The following PPFIA2 variants were observed in gnomAD, a reference collection of about 807,000 sequenced individuals.
The protein encoded by PPFIA2 is liprin-alpha-2.
PPFIA2 carries 46 observed loss-of-function variants against 175.5 expected under a neutral mutation model. The ratio of observed to expected loss-of-function variants is 0.26; its 90% CI spans 0.21 to 0.34. PPFIA2 has a LOEUF of 0.34. PPFIA2 is among the 10% of genes least tolerant of loss of function. PPFIA2 has a pLI of 1.00. For synonymous variants in PPFIA2, 568 were observed against 511.4 expected (o/e 1.11, Z -1.49); for missense variants, 1,179 against 1,506.1 (o/e 0.78, Z 3.60).
At chr12:81,420,253 A>G (rs992976590) in intron 7 of PPFIA2, among the ~76,000 whole-genome samples, 1 of 152,140 alleles carries the variant, frequency 6.6e-6, no homozygotes, top group Non-Finnish European at 1.5e-5. Flanking sequence ...GCAGACATCA[A>G]TGCATGTCTA....
At chr12:81,654,540 A>G (rs150035014) in intron 4 of PPFIA2, among the ~76,000 whole-genome samples, 29 of 152,230 alleles carry the variant, frequency 1.9e-4, no homozygotes, top group African/African-American at 6.3e-4. Context: ...TAATGAGTAT[A>G]TAGACCTAGC....
At chr12:81,306,508 C>G (rs2049205560) in intron 22 of PPFIA2, among the ~76,000 whole-genome samples, 2 of 143,774 alleles carry the variant, frequency 1.4e-5, no homozygotes, top group South Asian at 4.5e-4. Context: ...TTCTTTCTTA[C>G]TGTTTTTTGT....
chr12:81,642,003 T>C (rs1438629140), intron 4 of PPFIA2, among the ~76,000 whole-genome samples: 1 of 152,158 alleles, frequency 6.6e-6, no homozygotes, highest in Non-Finnish European at 1.5e-5. Flanking sequence ...TCATTGAATA[T>C]TTTATCCTAT....
intron 14 of PPFIA2, among the ~76,000 whole-genome samples, 164 bp downstream of exon 14, chr12:81,366,944 C>G (rs1039534583): frequency 3.3e-5 from 5 of 151,472 alleles, no homozygotes; most frequent in Admixed American, 2.0e-4. Flanking sequence ...GAAGCTCTTC[C>G]TCTCTATGTA....
At chr12:81,341,239 C>A (rs770799927) in intron 19 of PPFIA2, 31 bp from the exon 20 acceptor site, 14 of 1,596,752 alleles carry the variant, frequency 8.8e-6, no homozygotes, top group African/African-American at 2.7e-5. Context: ...TTCAAATAAA[C>A]CCTTTCTAAA....
intron 4 of PPFIA2, among the ~76,000 whole-genome samples, chr12:81,527,734 T>C (rs2153275354): frequency 6.6e-6 from 1 of 152,246 alleles, no homozygotes; most frequent in Middle Eastern, 3.4e-3. Flanking sequence ...AATGTGATGG[T>C]ATTAGGAGGT....
chr12:81,454,973 C>T (rs1010090047), intron 5 of PPFIA2, among the ~76,000 whole-genome samples: 15 of 152,152 alleles, frequency 9.9e-5, no homozygotes, highest in African/African-American at 3.1e-4. Flanking sequence ...TTCAGCATCA[C>T]GAGCAGCTGA....
chr12:81,402,556 T>TA (rs1188664978), intron 8 of PPFIA2, among the ~76,000 whole-genome samples: 1 of 151,964 alleles, frequency 6.6e-6, no homozygotes, highest in African/African-American at 2.4e-5. Flanking sequence ...AAATGTCAGG[T>TA]AAAAAAATGT....
chr12:81,737,399 G>A (rs1277268813), intron 3 of PPFIA2, among the ~76,000 whole-genome samples: 1 of 151,792 alleles, frequency 6.6e-6, no homozygotes, highest in East Asian at 1.9e-4. Context: ...TCTGGATTGA[G>A]GTAATTAAGA....
chr12:81,276,196 T>C (rs533202980), intron 28 of PPFIA2, among the ~76,000 whole-genome samples: 87 of 152,274 alleles, frequency 5.7e-4, no homozygotes, highest in African/African-American at 2.0e-3. Flanking sequence ...ATGCTTTCAC[T>C]TACAAGTGGG....
At chr12:81,617,105 C>T (rs1237831622) in intron 4 of PPFIA2, among the ~76,000 whole-genome samples, 4 of 152,118 alleles carry the variant, frequency 2.6e-5, no homozygotes, top group Non-Finnish European at 5.9e-5. Flanking sequence ...AGGTTTTTAA[C>T]TTACTAGGGC....
In PPFIA2 at chr12:81,483,275, T is replaced by C. The variant is rs370043201; in HGVS notation, c.304-25409A>G. Among the ~76,000 whole-genome samples, 4 of 152,202 alleles carry C rather than the reference T, an allele frequency of 2.6e-5. No homozygotes were observed. The East Asian group carries it at 7.7e-4, about 29-fold the overall frequency. ...TATATGCGTGTTCATAGTAGCATTA[T>C]TCATAATAGCCAATAAATGAAAACA... On this transcript the variant is annotated intron_variant, in intron 4 of 32. Transcript: ENST00000549396.
intron 4 of PPFIA2, among the ~76,000 whole-genome samples, chr12:81,617,552 C>A (rs562125566): frequency 7.9e-5 from 12 of 152,156 alleles, no homozygotes; most frequent in Non-Finnish European, 1.5e-4. Flanking sequence ...TCAGGCCACT[C>A]CATTTGCCTA....
At chr12:81,656,975 T>C (rs1235958228) in intron 4 of PPFIA2, among the ~76,000 whole-genome samples, 1 of 152,204 alleles carries the variant, frequency 6.6e-6, no homozygotes, top group Non-Finnish European at 1.5e-5. Context: ...TCAACTTTAA[T>C]TTATTATGAA....
intron 3 of PPFIA2, among the ~76,000 whole-genome samples, chr12:81,714,223 A>G (rs929868152): frequency 2.0e-5 from 3 of 151,114 alleles, no homozygotes; most frequent in Non-Finnish European, 4.4e-5. Flanking sequence ...ATTCATACAC[A>G]CTTTCATGCA....
At chr12:81,519,761 A>T (rs2062887559) in intron 4 of PPFIA2, among the ~76,000 whole-genome samples, 1 of 152,198 alleles carries the variant, frequency 6.6e-6, no homozygotes, top group Admixed American at 6.5e-5. Context: ...ACGAAGAAAG[A>T]TTAATTTTAA....
At chr12:81,426,858 C>T (rs1465208161) in intron 7 of PPFIA2, among the ~76,000 whole-genome samples, 1 of 151,946 alleles carries the variant, frequency 6.6e-6, no homozygotes, top group Non-Finnish European at 1.5e-5. Flanking sequence ...AACATAGTGG[C>T]CACTGCAATG....
At chr12:81,511,194 T>C (rs2061748375) in intron 4 of PPFIA2, among the ~76,000 whole-genome samples, 1 of 152,134 alleles carries the variant, frequency 6.6e-6, no homozygotes. Context: ...GTGACCATTT[T>C]TGACCCATAT....
At chr12:81,434,846 T>C (rs902195256) in intron 7 of PPFIA2, among the ~76,000 whole-genome samples, 8 of 152,094 alleles carry the variant, frequency 5.3e-5, no homozygotes, top group African/African-American at 1.7e-4. Flanking sequence ...TGAAAAGTTA[T>C]TAAAATTTCA....
Sources: allele counts gnomAD v4.1 joint callset (sites outside exome capture counted in the v4.1 genomes callset), GRCh38; gene constraint gnomAD v4.1.1; transcripts MANE v1.5; gene names NCBI Gene and HGNC (gene_info 2026-07-23, HGNC 2026-07-21).